The following PCDHGB1 variants were observed in gnomAD, a reference collection of about 807,000 sequenced individuals.
PCDHGB1 encodes protocadherin gamma-B1.
Under a neutral mutation model 56.6 loss-of-function variants are expected in PCDHGB1, and 34 were observed. The ratio of observed to expected loss-of-function variants is 0.60; its 90% CI spans 0.46 to 0.80. The LOEUF (loss-of-function observed/expected upper bound fraction) is 0.80, where lower values mean the gene tolerates loss of function less well. PCDHGB1 is among the 30% of genes least tolerant of loss of function. The probability of loss-of-function intolerance (pLI) is 0.00; values close to 1 mark genes in which losing one functional copy is unlikely to be tolerated. For missense variants in PCDHGB1, 1,278 were observed against 1,204.6 expected (o/e 1.06, Z -0.90); for synonymous variants, 561 against 505.9 (o/e 1.11, Z -1.46).
In PCDHGB1 at chr5:141,494,886, C is replaced by T. The variant is rs1212594477; in HGVS notation, c.2468+21C>T. ...AGCGGGTAGGTGACTGATTCTCCAG[C>T]CCACCCTCTTCTCTGCGGCATTTTC... On this transcript the variant is annotated intron_variant, in intron 2 of 3. Coordinates refer to ENST00000523390, the MANE Select transcript of PCDHGB1 (RefSeq NM_018922.3). 8 of 1,614,010 alleles carry T rather than the reference C, an allele frequency of 5.0e-6. No homozygotes were observed. The Admixed American group carries it at 8.3e-5, about 17-fold the overall frequency.
At chr5:141,417,718 G>T in intron 1 of PCDHGB1, 1 of 1,304,720 alleles carries the variant, frequency 7.7e-7, no homozygotes. Context: ...GCTCCCGGCT[G>T]CGCAGACCTT....
At chr5:141,435,376 A>G (rs1358757887) in intron 1 of PCDHGB1, among the ~76,000 whole-genome samples, 1 of 152,200 alleles carries the variant, frequency 6.6e-6, no homozygotes, top group Non-Finnish European at 1.5e-5. Flanking sequence ...TAAATATACA[A>G]TATACCGTAT....
At chr5:141,366,741 G>C (rs772947820) in intron 1 of PCDHGB1, 1 of 1,611,828 alleles carries the variant, frequency 6.2e-7, no homozygotes, top group Non-Finnish European at 8.5e-7. Context: ...AAAGAAGAAC[G>C]GCGAGTTCAG....
At chr5:141,460,047 C>T (rs2098981053) in intron 1 of PCDHGB1, among the ~76,000 whole-genome samples, 1 of 152,102 alleles carries the variant, frequency 6.6e-6, no homozygotes. Context: ...CACTGCACTC[C>T]AGCCTGGGCA....
chr5:141,422,074 C>T (rs886758924), intron 1 of PCDHGB1: 8 of 1,612,146 alleles, frequency 5.0e-6, no homozygotes, highest in African/African-American at 4.0e-5. Context: ...GTATTCATTT[C>T]GGAACATGGA....
intron 1 of PCDHGB1, chr5:141,405,463 A>C: frequency 8.5e-7 from 1 of 1,181,354 alleles, no homozygotes. Flanking sequence ...TCTGTTACCC[A>C]GGCTGGAATG....
Position 141,491,466 on chromosome 5 carries a change from T to G in PCDHGB1, c.2410-3341T>G. The G allele has an allele frequency of 6.2e-7, 1 of 1,614,068 alleles. No individual in the cohort carries two copies. Among genetic ancestry groups the G allele is most frequent in the Non-Finnish European group, 8.5e-7 (1 of 1,179,986 alleles). ...AGGACTCACCCTCCCCGGACTTCTA[T>G]AAGCAGTCCAGCCCCAACCTGCAGG... On this transcript the variant is annotated intron_variant, in intron 1 of 3. Coordinates refer to ENST00000523390, the MANE Select transcript of PCDHGB1 (RefSeq NM_018922.3). This position sits in a 1 kb window ranked among gnomAD's most constrained non-coding sequence, Gnocchi z 6.9.
chr5:141,419,243 C>T (rs959206942), intron 1 of PCDHGB1: 2 of 1,613,998 alleles, frequency 1.2e-6, no homozygotes, highest in East Asian at 4.5e-5. Flanking sequence ...GGTCCACGTG[C>T]CAGAAAACAA....
At chr5:141,395,094 G>T (rs192995605) in intron 1 of PCDHGB1, 4 of 1,614,042 alleles carry the variant, frequency 2.5e-6, no homozygotes, top group Non-Finnish European at 3.4e-6. Flanking sequence ...CTCCCTCACC[G>T]CCGACTCGCG....
intron 1 of PCDHGB1, chr5:141,362,080 G>A: frequency 4.3e-6 from 7 of 1,613,200 alleles, no homozygotes; most frequent in Non-Finnish European, 5.9e-6. Flanking sequence ...TGTGCGTGAT[G>A]GAGGACAGCC....
At chr5:141,381,261 C>G (rs1221626643) in intron 1 of PCDHGB1, among the ~76,000 whole-genome samples, 2 of 152,248 alleles carry the variant, frequency 1.3e-5, no homozygotes, top group Non-Finnish European at 2.9e-5. Flanking sequence ...AATTTACAAA[C>G]CAAGACTGTT....
chr5:141,376,975 C>T (rs1216034593), intron 1 of PCDHGB1: 1 of 157,554 alleles, frequency 6.3e-6, no homozygotes, highest in African/African-American at 2.4e-5. Flanking sequence ...GCGTGAGCCA[C>T]CGCGCCCGGC....
rs1386460009 is a variant in PCDHGB1 at position 141,390,018 on chromosome 5, C to T, written c.2409+37349C>T. On this transcript the variant is annotated intron_variant, in intron 1 of 3. Transcript: ENST00000523390. ...GGCCATGATTCTGGCCATTGCCTTG[C>T]GCCTGCGACGCTCCTCCAGCCCCGC... is the stretch of plus-strand genomic sequence containing the variant. The T allele has an allele frequency of 6.2e-7, 1 of 1,614,062 alleles. No individual in the cohort carries two copies. Among genetic ancestry groups the T allele is most frequent in the South Asian group, 1.1e-5 (1 of 91,078 alleles).
At chr5:141,390,515 C>T (rs1325813784) in intron 1 of PCDHGB1, 1 of 575,082 alleles carries the variant, frequency 1.7e-6, no homozygotes, top group Middle Eastern at 4.7e-4. Flanking sequence ...ATTTATAAAG[C>T]AATGAGGGTG....
chr5:141,454,974 A>AT (rs2098808620), intron 1 of PCDHGB1, among the ~76,000 whole-genome samples: 1 of 151,182 alleles, frequency 6.6e-6, no homozygotes, highest in African/African-American at 2.4e-5. Context: ...CGCCTGGCTA[A>AT]TTTTTTAAAA....
intron 1 of PCDHGB1, chr5:141,422,492 C>A (rs747903569): frequency 2.5e-6 from 4 of 1,613,816 alleles, no homozygotes; most frequent in African/African-American, 2.7e-5. Flanking sequence ...TACAATATAA[C>A]GTTGACAGCC....
At chr5:141,461,740 G>T (rs770518286) in intron 1 of PCDHGB1, among the ~76,000 whole-genome samples, 1 of 152,072 alleles carries the variant, frequency 6.6e-6, no homozygotes, top group African/African-American at 2.4e-5. Context: ...GCACAATCCC[G>T]GCTCCCAGAT....
At chr5:141,355,234 C>A in intron 1 of PCDHGB1, 1 of 1,612,190 alleles carries the variant, frequency 6.2e-7, no homozygotes, top group Non-Finnish European at 8.5e-7. Flanking sequence ...AGACCACACC[C>A]GGCTGCTCCA....
chr5:141,404,754 A>G, intron 1 of PCDHGB1: 1 of 1,612,286 alleles, frequency 6.2e-7, no homozygotes, highest in Non-Finnish European at 8.5e-7. Flanking sequence ...TCAGGCCAGA[A>G]TGCTTGGCTC....
Sources: gnomAD v4.1 joint callset for allele counts (sites outside exome capture counted in the v4.1 genomes callset) on GRCh38, gnomAD v4.1.1 for gene constraint, Gnocchi (gnomAD v3.1) non-coding constraint, MANE v1.5 for transcripts, NCBI Gene and HGNC (gene_info 2026-07-23, HGNC 2026-07-21) for gene names.